Variants in ARHGAP26 observed in about 807,000 individuals in gnomAD.
ARHGAP26 encodes rho GTPase-activating protein 26.
In ARHGAP26, 38 loss-of-function variants were observed where a neutral mutation model predicts 104.8. That is an observed-to-expected ratio of 0.36 (90% CI 0.28 to 0.48). The LOEUF is 0.48. Among genes scored for constraint, ARHGAP26 ranks in the 20% least tolerant of loss-of-function variants. The pLI is 0.99. For synonymous variants in ARHGAP26, 341 were observed against 340.0 expected, an observed-to-expected ratio of 1.00 and a Z score of -0.03; for missense variants, 704 against 947.9, an observed-to-expected ratio of 0.74 and a Z score of 3.38.
At chr5:143,118,778 G>A (rs970254858) in intron 17 of ARHGAP26, among the ~76,000 whole-genome samples, 2 of 151,836 alleles carry the variant, frequency 1.3e-5, no homozygotes, top group Non-Finnish European at 2.9e-5. Flanking sequence ...ATCACACACC[G>A]GGGACTGTTG....
intron 10 of ARHGAP26, among the ~76,000 whole-genome samples, chr5:142,920,142 A>T (rs1653436400): frequency 6.6e-6 from 1 of 152,254 alleles, no homozygotes; most frequent in Non-Finnish European, 1.5e-5. Context: ...TAGATTGATC[A>T]TTACAAAATG....
chr5:143,019,609 G>A (rs561766549), intron 12 of ARHGAP26, among the ~76,000 whole-genome samples: 9 of 152,272 alleles, frequency 5.9e-5, no homozygotes, highest in Non-Finnish European at 1.0e-4. Flanking sequence ...TTGTCCTGCC[G>A]TCCCACCTGA....
rs577892443 is a variant in ARHGAP26 at position 143,021,309 on chromosome 5, C to T, written c.1144+7193C>T. ...TGTCATGAAATGTTTAGAAGTATCACCTGTCATGGTTGTTTAATATTCTGT... is the reference window on the plus strand; with the variant it reads ...TGTCATGAAATGTTTAGAAGTATCATCTGTCATGGTTGTTTAATATTCTGT... On this transcript the variant is annotated intron_variant, in intron 12 of 22. Transcript: ENST00000645722. 3.3e-5 allele frequency among the ~76,000 whole-genome samples: 5 copies of T among 152,240 alleles called. No homozygotes were observed. The East Asian group carries it at 9.6e-4, about 29-fold the overall frequency.
At chr5:142,992,215 A>G (rs895343110) in intron 11 of ARHGAP26, among the ~76,000 whole-genome samples, 1 of 151,890 alleles carries the variant, frequency 6.6e-6, no homozygotes, top group Non-Finnish European at 1.5e-5. Flanking sequence ...TATGCATCCT[A>G]TCTTTGTTTG....
At chr5:142,846,456 A>T (rs543632760) in intron 1 of ARHGAP26, among the ~76,000 whole-genome samples, 1 of 152,242 alleles carries the variant, frequency 6.6e-6, no homozygotes, top group Admixed American at 6.5e-5. Context: ...CTTTTTGAGG[A>T]TTAGTCTGTT....
intron 5 of ARHGAP26, among the ~76,000 whole-genome samples, chr5:142,891,356 G>A (rs1758636923): frequency 6.6e-6 from 1 of 151,960 alleles, no homozygotes; most frequent in Non-Finnish European, 1.5e-5. Flanking sequence ...GTTTGATCCA[G>A]CAGTTACTCA....
intron 14 of ARHGAP26, among the ~76,000 whole-genome samples, chr5:143,052,696 A>G (rs1037890828): frequency 1.3e-5 from 2 of 152,102 alleles, no homozygotes; most frequent in Non-Finnish European, 2.9e-5. Context: ...TTGTGCCCCT[A>G]CCTGGTGATG....
intron 17 of ARHGAP26, among the ~76,000 whole-genome samples, chr5:143,074,948 A>T (rs1037682182): frequency 6.6e-6 from 1 of 152,112 alleles, no homozygotes; most frequent in Admixed American, 6.5e-5. Flanking sequence ...GGTGAACTAC[A>T]CTCCAGCTCT....
chr5:142,834,035 C>T (rs1443141381), intron 1 of ARHGAP26, among the ~76,000 whole-genome samples: 2 of 152,162 alleles, frequency 1.3e-5, no homozygotes, highest in African/African-American at 2.4e-5. Context: ...TATGTTATAT[C>T]GGGGTGCTTC....
chr5:143,219,554 G>A (rs1810865002), intron 22 of ARHGAP26, among the ~76,000 whole-genome samples: 1 of 152,222 alleles, frequency 6.6e-6, no homozygotes, highest in Non-Finnish European at 1.5e-5. Flanking sequence ...GAGGGAGCAG[G>A]TAGAAGGGAT....
intron 1 of ARHGAP26, among the ~76,000 whole-genome samples, chr5:142,839,122 A>T (rs746583587): frequency 9.2e-5 from 14 of 152,234 alleles, no homozygotes; most frequent in Non-Finnish European, 1.5e-4. Context: ...GACGATTCTT[A>T]TGTATTTTAT....
At chr5:143,044,725 A>G (rs1783981168) in intron 14 of ARHGAP26, among the ~76,000 whole-genome samples, 1 of 152,222 alleles carries the variant, frequency 6.6e-6, no homozygotes, top group Admixed American at 6.5e-5. Flanking sequence ...ATACAGATGT[A>G]ACAATATCAG....
At chr5:142,791,941 C>CA (rs11397426) in intron 1 of ARHGAP26, among the ~76,000 whole-genome samples, 22,164 of 64,710 alleles carry the variant, frequency 0.34, 4,633 homozygotes, top group African/African-American at 0.62. Context: ...AAACCCGTCT[C>CA]AAAAAAAAAA....
At chr5:142,822,136 C>G (rs1187068071) in intron 1 of ARHGAP26, among the ~76,000 whole-genome samples, 1 of 152,212 alleles carries the variant, frequency 6.6e-6, no homozygotes, top group Non-Finnish European at 1.5e-5. Context: ...TTACTGGTCT[C>G]TCTTCTTCCT....
intron 1 of ARHGAP26, among the ~76,000 whole-genome samples, chr5:142,810,735 A>G (rs1424839145): frequency 6.6e-6 from 1 of 152,154 alleles, no homozygotes; most frequent in African/African-American, 2.4e-5. Context: ...TGTTGACCTA[A>G]TATTGTTCTT....
chr5:143,214,769 A>G (rs1423005012), intron 22 of ARHGAP26, among the ~76,000 whole-genome samples: 2 of 152,210 alleles, frequency 1.3e-5, no homozygotes, highest in African/African-American at 4.8e-5. Context: ...ACAGAACATG[A>G]GGGTCTCTCC....
intron 8 of ARHGAP26, among the ~76,000 whole-genome samples, chr5:142,905,135 C>A (rs770812893): frequency 6.6e-6 from 1 of 152,134 alleles, no homozygotes; most frequent in South Asian, 2.1e-4. Context: ...AAGATCCCTG[C>A]AAAAGGTTTT....
At chr5:143,202,635 AAAAC>A (rs776195519) in intron 20 of ARHGAP26, 1 of 152,216 alleles carries the variant, frequency 6.6e-6, no homozygotes, top group African/African-American at 2.4e-5. Flanking sequence ...CCTAAGCAAA[AAAAC>A]AAAGCTGGAG....
At chr5:143,068,599 A>G (rs760722609) in intron 17 of ARHGAP26, among the ~76,000 whole-genome samples, 5 of 152,168 alleles carry the variant, frequency 3.3e-5, no homozygotes, top group East Asian at 1.9e-4. Context: ...TTCTGTCTCT[A>G]CTAAATCTTT....
Sources: allele counts gnomAD v4.1 joint callset (sites outside exome capture counted in the v4.1 genomes callset), GRCh38; gene constraint gnomAD v4.1.1; transcripts MANE v1.5; gene names NCBI Gene and HGNC (gene_info 2026-07-23, HGNC 2026-07-21).